SUPT16H: variants seen among roughly 807,000 people sequenced by gnomAD.
SUPT16H encodes the protein SPT16 homolog, facilitates chromatin remodeling subunit.
SUPT16H carries 24 observed loss-of-function variants against 136.2 expected under a neutral mutation model. That is an observed-to-expected ratio of 0.18 (90% CI 0.13 to 0.25). The LOEUF (loss-of-function observed/expected upper bound fraction) is 0.25, where lower values mean the gene tolerates loss of function less well. SUPT16H is among the 10% of genes least tolerant of loss of function. The pLI is 1.00. For missense variants in SUPT16H, 623 were observed against 1,270.2 expected, an observed-to-expected ratio of 0.49 and a Z score of 7.74; for synonymous variants, 415 against 428.2, an observed-to-expected ratio of 0.97 and a Z score of 0.38.
chr14:21,369,305 C>T lies in SUPT16H; in HGVS notation c.681G>A (p.Glu227=). 2 of 1,614,158 alleles carry T rather than the reference C, an allele frequency of 1.2e-6. No homozygotes were observed. Among genetic ancestry groups the T allele is most frequent in the South Asian group, 2.2e-5 (2 of 91,080 alleles). The change falls in exon 6 of 26, where the codon GAG becomes GAA. Residue 227 remains glutamate (E), a synonymous_variant. Transcript: ENST00000216297. The part of the protein sequence containing the change: ...LAESVEKAIE[E]KKYLAGADPS... ...GGTCTGCCCCAGCAAGGTATTTTTT[C>T]TCTTCAATGGCCTTTTCCACAGACT...
chr14:21,383,543 A>G, intron 1 of SUPT16H: 1 of 668,524 alleles, frequency 1.5e-6, no homozygotes, highest in Non-Finnish European at 2.7e-6. Context: ...GGAGGGCAGC[A>G]AGACGTGACC....
chr14:21,374,819 TAC>T, intron 1 of SUPT16H, among the ~76,000 whole-genome samples: 1 of 152,348 alleles, frequency 6.6e-6, no homozygotes, highest in South Asian at 2.1e-4. Flanking sequence ...CTCTTGGGTA[TAC>T]ATATACCTAG....
intron 16 of SUPT16H, 26 bp from the exon 17 acceptor site, chr14:21,360,998 A>G: frequency 6.2e-7 from 1 of 1,611,812 alleles, no homozygotes; most frequent in East Asian, 2.2e-5. Context: ...ATTAATGTGA[A>G]TTGTCACATA....
At position 21,373,379 on chromosome 14, in the gene SUPT16H, C is replaced by G. The variant is rs1429151466; in HGVS notation, c.118G>C (p.Val40Leu). The change falls in exon 2 of 26, where the codon GTT (valine) becomes CTT (leucine). Residue 40 changes from valine (V) to leucine (L), a missense_variant. Around this residue, in one of 7 missense-constraint regions of SUPT16H, gnomAD observed 343 missense variants for 525.7 expected, o/e 0.65. Coordinates refer to ENST00000216297, the MANE Select transcript of SUPT16H (RefSeq NM_007192.4). ...NVDAIVVSVG[V>L]DEEIVYAKST... ...TTGGCATAAACAATTTCTTCATCAA[C>G]ACCCACTGATACAACAATGGCATCA... 6.2e-7 allele frequency: 1 copy of G among 1,614,164 alleles called. No homozygotes were observed. The highest frequency in any genetic ancestry group is 8.5e-7 in the Non-Finnish European group (1 of 1,180,002).
intron 8 of SUPT16H, 109 bp downstream of exon 8, chr14:21,366,330 A>T: frequency 2.0e-6 from 2 of 981,680 alleles, no homozygotes; most frequent in Non-Finnish European, 3.1e-6. Flanking sequence ...ATAGTTTGCT[A>T]GTCCATAAAT....
chr14:21,375,874 T>G (rs1886891285), intron 1 of SUPT16H, among the ~76,000 whole-genome samples: 1 of 152,258 alleles, frequency 6.6e-6, no homozygotes, highest in African/African-American at 2.4e-5. Flanking sequence ...ATCACAGGTG[T>G]GAGCCACTGT....
intron 5 of SUPT16H, 66 bp downstream of exon 5, chr14:21,369,684 G>A (rs531880155): frequency 1.3e-6 from 2 of 1,587,016 alleles, no homozygotes; most frequent in South Asian, 1.1e-5. Context: ...CACACCAACA[G>A]ATTTGCATGG....
At chr14:21,374,442 AC>A (rs1453257148) in intron 1 of SUPT16H, among the ~76,000 whole-genome samples, 1 of 152,244 alleles carries the variant, frequency 6.6e-6, no homozygotes, top group Non-Finnish European at 1.5e-5. Flanking sequence ...TGCAACCATC[AC>A]AATTTTGGAA....
At chr14:21,363,921 C>T (rs778299294) in intron 10 of SUPT16H, among the ~76,000 whole-genome samples, 1 of 152,108 alleles carries the variant, frequency 6.6e-6, no homozygotes, top group Non-Finnish European at 1.5e-5. Context: ...TCAGGTGATC[C>T]ACCTGCCTTG....
rs1036341433 is a variant in SUPT16H, at chr14:21,351,494, A to C, written c.*1179T>G. On this transcript the variant is annotated 3_prime_UTR_variant, in exon 26 of 26. Transcript: ENST00000216297. ...AGGTGAATTTACAAAAACAAACAAC[A>C]AAAAAAACCCAGTTTATTCATCTTT... 1.8e-5 allele frequency: 5 copies of C among 281,966 alleles called. No individual in the cohort carries two copies. The highest frequency in any genetic ancestry group is 2.6e-5 in the Non-Finnish European group (4 of 151,464). 17.5% of individuals were successfully genotyped at this position (281,966 alleles called of 1,614,324 possible). A position where few individuals can be genotyped will look rare whatever the true frequency, so the allele number is the denominator to read the frequency against.
chr14:21,382,859 G>C (rs1489943914), intron 1 of SUPT16H: 4 of 152,110 alleles, frequency 2.6e-5, no homozygotes, highest in African/African-American at 9.7e-5. Context: ...TGCACAGACA[G>C]CTTTAATATG....
chr14:21,370,909 G>A (rs1270713031), intron 3 of SUPT16H, among the ~76,000 whole-genome samples: 4 of 152,004 alleles, frequency 2.6e-5, no homozygotes, highest in Admixed American at 2.6e-4. Context: ...CCGAGCAGCT[G>A]GGATTACAGG....
At chr14:21,365,025 G>A (rs755270362) in intron 9 of SUPT16H, 45 bp downstream of exon 9, 1 of 1,608,066 alleles carries the variant, frequency 6.2e-7, no homozygotes, top group Non-Finnish European at 8.5e-7. Context: ...TAAAGCTAAA[G>A]GAAGTAACTC....
rs2139398118 is a variant in SUPT16H at position 21,357,939 on chromosome 14, A to G, written c.2478T>C (p.Asn826=). 1 of 1,613,696 alleles carries G rather than the reference A, an allele frequency of 6.2e-7. No homozygotes were observed. The highest frequency in any genetic ancestry group is 2.2e-5 in the East Asian group (1 of 44,868). ...AAGAAACACTCACCCATTCCGTAGCATTTACCAGCGCACTACTAGTGGGCT... is the reference window on the plus strand; with the variant it reads ...AAGAAACACTCACCCATTCCGTAGCGTTTACCAGCGCACTACTAGTGGGCT... ...LLQPTSSALV[N]ATEWPPFVVT... The change falls in exon 21 of 26, where the codon AAT becomes AAC. Residue 826 remains asparagine (N), a synonymous_variant. Transcript: ENST00000216297.
In SUPT16H at chr14:21,365,054, T is replaced by C; in HGVS notation, c.1120+16A>G. The stretch of plus-strand genomic sequence containing the variant: ...GTAACTCACAAAAGCATTTTCCTAT[T>C]GTATGTGAAACTTACCTTTCTTCAG... On this transcript the variant is annotated intron_variant, in intron 9 of 25. Transcript: ENST00000216297. 6.2e-7 allele frequency: 1 copy of C among 1,613,134 alleles called. No homozygotes were observed. The highest frequency in any genetic ancestry group is 8.5e-7 in the Non-Finnish European group (1 of 1,179,358).
At position 21,357,285 on chromosome 14, in the gene SUPT16H, C is replaced by T; in HGVS notation, c.2572G>A (p.Val858Ile). 1.2e-6 allele frequency: 2 copies of T among 1,613,264 alleles called. No individual in the cohort carries two copies. Among genetic ancestry groups the T allele is most frequent in the East Asian group, 2.2e-5 (1 of 44,818 alleles). Reference protein sequence around the residue: ...VQFHLKNFDMVIVYKDYSKKV... With the variant: ...VQFHLKNFDMIIVYKDYSKKV... ...TTGCTGTAGTCCTTGTAGACGATTACCATATCAAAGTTCTTCAGGTGAAAC... is the reference window on the plus strand; with the variant it reads ...TTGCTGTAGTCCTTGTAGACGATTATCATATCAAAGTTCTTCAGGTGAAAC... Residue 858 changes from valine (V) to isoleucine (I), a missense_variant, in exon 22 of 26, where the codon GTA (valine) becomes ATA (isoleucine). Val to Ile is a conservative substitution (Grantham distance 29). Coordinates refer to ENST00000216297, the MANE Select transcript of SUPT16H (RefSeq NM_007192.4).
At chr14:21,356,852 G>A (rs1291071382) in intron 22 of SUPT16H, among the ~76,000 whole-genome samples, 3 of 152,190 alleles carry the variant, frequency 2.0e-5, no homozygotes, top group Non-Finnish European at 2.9e-5. Context: ...CATTGACTGG[G>A]TGCAGTGGCT....
intron 15 of SUPT16H, 100 bp from the exon 16 acceptor site, chr14:21,361,313 T>C (rs1290146150): frequency 1.5e-6 from 1 of 671,948 alleles, no homozygotes; most frequent in Admixed American, 3.9e-5. Context: ...CTACTTTGCT[T>C]TTTTTTTTTT....
At chr14:21,366,084 G>T (rs1454357894) in intron 8 of SUPT16H, among the ~76,000 whole-genome samples, 1 of 152,186 alleles carries the variant, frequency 6.6e-6, no homozygotes, top group Admixed American at 6.5e-5. Context: ...CCTGGACAGA[G>T]TGAGACCCTG....
Sources: gnomAD v4.1 joint callset for allele counts (sites outside exome capture counted in the v4.1 genomes callset) on GRCh38, gnomAD v4.1.1 for gene constraint, gnomAD v4.1.1 regional missense constraint, MANE v1.5 for transcripts, NCBI Gene and HGNC (gene_info 2026-07-23, HGNC 2026-07-21) for gene names.